The following ARHGAP15 variants were observed in gnomAD, a reference collection of about 807,000 sequenced individuals.
ARHGAP15 encodes the protein Rho GTPase activating protein 15, also known as rho GTPase-activating protein 15.
ARHGAP15 carries 51 observed loss-of-function variants against 63.7 expected under a neutral mutation model. That is an observed-to-expected ratio of 0.80 (90% confidence interval 0.64 to 1.01). The LOEUF (loss-of-function observed/expected upper bound fraction) is 1.01. ARHGAP15 is among the 50% of genes least tolerant of loss of function. The pLI is 0.00. For synonymous variants in ARHGAP15, 191 were observed against 193.8 expected, an observed-to-expected ratio of 0.99 and a Z score of 0.12; for missense variants, 560 against 564.6, an observed-to-expected ratio of 0.99 and a Z score of 0.08.
chr2:143,227,715 G>T (rs1041219315), intron 4 of ARHGAP15, among the ~76,000 whole-genome samples: 5 of 151,998 alleles, frequency 3.3e-5, no homozygotes, highest in African/African-American at 7.3e-5. Flanking sequence ...CCATTATATG[G>T]ACCTATTATA....
chr2:143,561,534 C>T (rs1170870744), intron 11 of ARHGAP15, among the ~76,000 whole-genome samples: 1 of 145,866 alleles, frequency 6.9e-6, no homozygotes, highest in Non-Finnish European at 1.5e-5. Flanking sequence ...TTTTTTGAGA[C>T]GGAGTCTCGG....
intron 6 of ARHGAP15, among the ~76,000 whole-genome samples, chr2:143,298,247 C>T (rs577049567): frequency 3.3e-5 from 5 of 151,946 alleles, no homozygotes; most frequent in Non-Finnish European, 7.4e-5. Flanking sequence ...CTTCAATCCA[C>T]ACTATGAATT....
chr2:143,529,477 T>C (rs1419694395), intron 10 of ARHGAP15, among the ~76,000 whole-genome samples: 1 of 152,144 alleles, frequency 6.6e-6, no homozygotes, highest in African/African-American at 2.4e-5. Context: ...CAAATAAGAT[T>C]GTGTTATCCC....
intron 6 of ARHGAP15, among the ~76,000 whole-genome samples, chr2:143,434,980 C>T (rs993744131): frequency 2.7e-4 from 41 of 152,040 alleles, no homozygotes; most frequent in South Asian, 2.1e-4. Flanking sequence ...AAATACTCTC[C>T]CAGAGAGGTT....
chr2:143,368,933 G>A (rs1384754188), intron 6 of ARHGAP15, among the ~76,000 whole-genome samples: 1 of 151,986 alleles, frequency 6.6e-6, no homozygotes, highest in African/African-American at 2.4e-5. Context: ...ATGATTAACA[G>A]TTGAATAAAT....
At chr2:143,401,344 T>A (rs1323510769) in intron 6 of ARHGAP15, among the ~76,000 whole-genome samples, 1 of 152,028 alleles carries the variant, frequency 6.6e-6, no homozygotes, top group Non-Finnish European at 1.5e-5. Flanking sequence ...GCACTTCCAA[T>A]GCATAAAAAT....
intron 11 of ARHGAP15, among the ~76,000 whole-genome samples, chr2:143,590,166 G>A (rs1184228936): frequency 1.3e-5 from 2 of 152,156 alleles, no homozygotes; most frequent in Non-Finnish European, 2.9e-5. Flanking sequence ...CTTCTTGAGA[G>A]AAAACACCAT....
chr2:143,469,383 T>A (rs1691404986), intron 8 of ARHGAP15, among the ~76,000 whole-genome samples: 1 of 152,210 alleles, frequency 6.6e-6, no homozygotes, highest in Admixed American at 6.5e-5. Flanking sequence ...GCTCTACCGA[T>A]GTGAGATACA....
chr2:143,444,819 C>A (rs1486042215), intron 8 of ARHGAP15, among the ~76,000 whole-genome samples: 2 of 152,104 alleles, frequency 1.3e-5, no homozygotes, highest in Admixed American at 1.3e-4. Context: ...CCCAGAAATA[C>A]CAGATGTTTT....
At chr2:143,535,604 C>A (rs921733923) in intron 10 of ARHGAP15, among the ~76,000 whole-genome samples, 4 of 152,126 alleles carry the variant, frequency 2.6e-5, no homozygotes, top group African/African-American at 9.7e-5. Context: ...CGTTGGGAAC[C>A]AATGGCATAA....
At chr2:143,703,549 T>C (rs1390054913) in intron 13 of ARHGAP15, 25 bp downstream of exon 13, 2 of 1,550,534 alleles carry the variant, frequency 1.3e-6, no homozygotes, top group East Asian at 4.5e-5. Context: ...TTTCTGGATG[T>C]GTCATTTTAT....
chr2:143,544,360 G>A (rs1695233899), intron 10 of ARHGAP15, among the ~76,000 whole-genome samples: 1 of 151,976 alleles, frequency 6.6e-6, no homozygotes, highest in Non-Finnish European at 1.5e-5. Context: ...GTGGATCTGT[G>A]GGGACATAAA....
In ARHGAP15 at chr2:143,642,184, T is replaced by A. The variant is rs1574756477; in HGVS notation, c.1138+17917T>A. ...TTTACTTCAAAATATTAGCAGGGAA[T>A]GATTATACAGGTTTTTTTCTCTTTT... is the stretch of plus-strand genomic sequence containing the variant. On this transcript the variant is annotated intron_variant, in intron 12 of 13. Transcript: ENST00000295095. Among the ~76,000 whole-genome samples the A allele has an allele frequency of 2.0e-5, 3 of 152,148 alleles. No individual in the cohort carries two copies. The East Asian group carries it at 5.8e-4, about 29-fold the overall frequency.
chr2:143,493,134 T>C (rs1376360427), intron 9 of ARHGAP15, among the ~76,000 whole-genome samples: 1 of 152,212 alleles, frequency 6.6e-6, no homozygotes, highest in East Asian at 1.9e-4. Flanking sequence ...GATTGTTTAC[T>C]GTAGCACCAC....
At chr2:143,153,368 T>C (rs1397153620) in intron 1 of ARHGAP15, among the ~76,000 whole-genome samples, 1 of 151,988 alleles carries the variant, frequency 6.6e-6, no homozygotes, top group Non-Finnish European at 1.5e-5. Context: ...TAATACATAC[T>C]TCAAATTTTT....
intron 12 of ARHGAP15, among the ~76,000 whole-genome samples, chr2:143,660,242 C>T (rs1349329605): frequency 6.6e-6 from 1 of 152,174 alleles, no homozygotes; most frequent in African/African-American, 2.4e-5. Context: ...ATTCCTCCTT[C>T]CTCCTCCACA....
intron 11 of ARHGAP15, among the ~76,000 whole-genome samples, chr2:143,588,172 C>T (rs1211186192): frequency 6.6e-6 from 1 of 152,164 alleles, no homozygotes; most frequent in Non-Finnish European, 1.5e-5. Context: ...CCAATGGCAC[C>T]TGCTGTCTAC....
chr2:143,651,619 T>G (rs983322269), intron 12 of ARHGAP15, among the ~76,000 whole-genome samples: 2 of 152,030 alleles, frequency 1.3e-5, no homozygotes, highest in Non-Finnish European at 2.9e-5. Flanking sequence ...ATATGGTAGA[T>G]GTATATTTAA....
intron 10 of ARHGAP15, chr2:143,521,963 T>C (rs1418736633): frequency 6.6e-6 from 1 of 152,172 alleles, no homozygotes; most frequent in East Asian, 1.9e-4. Flanking sequence ...CAGTTATTTG[T>C]CTTACCTGTT....
Sources: allele counts gnomAD v4.1 joint callset (sites outside exome capture counted in the v4.1 genomes callset), GRCh38; gene constraint gnomAD v4.1.1; transcripts MANE v1.5; gene names NCBI Gene and HGNC (gene_info 2026-07-23, HGNC 2026-07-21).